The following DLGAP1 variants were observed in gnomAD, a reference collection of about 807,000 sequenced individuals.
DLGAP1 encodes disks large-associated protein 1.
Under a neutral mutation model 90.8 loss-of-function variants are expected in DLGAP1, and 11 were observed. That is an observed-to-expected ratio of 0.12 (90% CI 0.08 to 0.20). The LOEUF (loss-of-function observed/expected upper bound fraction) is 0.20, where lower values mean the gene tolerates loss of function less well. Among genes scored for constraint, DLGAP1 ranks in the 10% least tolerant of loss-of-function variants. The probability of loss-of-function intolerance (pLI) is 1.00; values close to 1 mark genes in which losing one functional copy is unlikely to be tolerated. For synonymous variants in DLGAP1, 558 were observed against 540.7 expected, an observed-to-expected ratio of 1.03 and a Z score of -0.44; for missense variants, 1,050 against 1,333.8, an observed-to-expected ratio of 0.79 and a Z score of 3.31.
intron 7 of DLGAP1, among the ~76,000 whole-genome samples, chr18:3,622,053 T>C (rs1388644630): frequency 6.6e-6 from 1 of 151,964 alleles, no homozygotes; most frequent in East Asian, 1.9e-4. Flanking sequence ...TGCGTATGGG[T>C]AGTGTATGTG....
At chr18:4,192,212 A>T (rs927492355) in intron 1 of DLGAP1, among the ~76,000 whole-genome samples, 3 of 152,158 alleles carry the variant, frequency 2.0e-5, no homozygotes, top group Non-Finnish European at 4.4e-5. Flanking sequence ...TCCTCAGAAA[A>T]GCATTTAAAT....
rs536738184 is a variant in DLGAP1, at chr18:3,762,453, G to A, written c.1173-19941C>T. Reference sequence around the variant, plus strand: ...GTTTCTTTCAATTTTGAGAGCAGATGTACTTACACAGATGTAAGCTGACAC... The same window carrying A: ...GTTTCTTTCAATTTTGAGAGCAGATATACTTACACAGATGTAAGCTGACAC... On this transcript the variant is annotated intron_variant, in intron 5 of 12. Transcript: ENST00000315677. Among the ~76,000 whole-genome samples the A allele has an allele frequency of 3.2e-4, 49 of 152,332 alleles. 2 individuals are homozygous for A. In the South Asian group the frequency reaches 9.7e-3, roughly 30 times the overall value.
chr18:4,370,682 G>A (rs1488302832), intron 1 of DLGAP1, among the ~76,000 whole-genome samples: 5 of 152,190 alleles, frequency 3.3e-5, no homozygotes, highest in South Asian at 4.2e-4. Context: ...AGGAAGAAGC[G>A]CCCCTAAGTA....
chr18:4,094,938 C>T (rs746116163), intron 2 of DLGAP1, among the ~76,000 whole-genome samples: 4 of 152,136 alleles, frequency 2.6e-5, no homozygotes, highest in Non-Finnish European at 5.9e-5. Context: ...TTTAGACTTA[C>T]CTTTCCTATC....
At chr18:4,224,223 C>T (rs567393862) in intron 1 of DLGAP1, among the ~76,000 whole-genome samples, 50 of 152,352 alleles carry the variant, frequency 3.3e-4, no homozygotes, top group South Asian at 2.5e-3. Context: ...ACCACACTCT[C>T]TGGGCATTGG....
chr18:3,734,970 C>A (rs1490456033), intron 6 of DLGAP1, among the ~76,000 whole-genome samples: 1 of 151,992 alleles, frequency 6.6e-6, no homozygotes, highest in African/African-American at 2.4e-5. Context: ...ATAATTCTGA[C>A]CACAATACTA....
intron 1 of DLGAP1, among the ~76,000 whole-genome samples, chr18:4,276,825 A>G (rs2079428035): frequency 6.6e-6 from 1 of 152,206 alleles, no homozygotes; most frequent in Non-Finnish European, 1.5e-5. Flanking sequence ...AGTTTAAATA[A>G]GAAATACAGA....
At chr18:4,115,441 C>T (rs1312088545) in intron 2 of DLGAP1, among the ~76,000 whole-genome samples, 1 of 151,354 alleles carries the variant, frequency 6.6e-6, no homozygotes, top group East Asian at 1.9e-4. Flanking sequence ...TCATTTCTTT[C>T]TGTGGATTTG....
chr18:4,412,404 T>C (rs1234898690), intron 1 of DLGAP1, among the ~76,000 whole-genome samples: 1 of 152,264 alleles, frequency 6.6e-6, no homozygotes, highest in Admixed American at 6.5e-5. Context: ...CATCAAGATA[T>C]AGTCAGCTTC....
chr18:4,128,822 A>T (rs914503108), intron 2 of DLGAP1, among the ~76,000 whole-genome samples: 3 of 152,154 alleles, frequency 2.0e-5, no homozygotes, highest in Non-Finnish European at 2.9e-5. Context: ...GACTTTCCAT[A>T]TGACATTTTG....
At chr18:4,453,680 T>G (rs569111653) in intron 1 of DLGAP1, among the ~76,000 whole-genome samples, 1 of 152,206 alleles carries the variant, frequency 6.6e-6, no homozygotes, top group African/African-American at 2.4e-5. Flanking sequence ...CCTCACCTTC[T>G]ACGAAGCCAT....
At chr18:4,361,530 C>T (rs550269948) in intron 1 of DLGAP1, among the ~76,000 whole-genome samples, 1 of 152,270 alleles carries the variant, frequency 6.6e-6, no homozygotes, top group African/African-American at 2.4e-5. Flanking sequence ...ACAAATGCTT[C>T]TGGGAAAAAT....
chr18:4,329,044 G>A (rs2080888954), intron 1 of DLGAP1, among the ~76,000 whole-genome samples: 1 of 151,850 alleles, frequency 6.6e-6, no homozygotes, highest in Non-Finnish European at 1.5e-5. Flanking sequence ...ACTTTAAAAT[G>A]TCCAATGTAC....
At chr18:3,583,875 G>A (rs515927) in intron 7 of DLGAP1, among the ~76,000 whole-genome samples, 19,801 of 152,186 alleles carry the variant, frequency 0.13, 1,360 homozygotes, top group East Asian at 0.23. Context: ...TTGAACCTGG[G>A]GGGAGGAGGT....
chr18:4,098,483 T>G (rs2075721382), intron 2 of DLGAP1, among the ~76,000 whole-genome samples: 1 of 151,952 alleles, frequency 6.6e-6, no homozygotes, highest in African/African-American at 2.4e-5. Context: ...GCTGCAGTGA[T>G]TAGGATTGGA....
intron 3 of DLGAP1, among the ~76,000 whole-genome samples, chr18:3,954,790 CATATG>C (rs2073053118): frequency 6.6e-6 from 1 of 152,322 alleles, no homozygotes; most frequent in Middle Eastern, 3.4e-3. Flanking sequence ...CCAGACAAAA[CATATG>C]ATATAACTGT....
intron 5 of DLGAP1, among the ~76,000 whole-genome samples, chr18:3,804,027 T>C (rs2066450036): frequency 2.0e-5 from 3 of 146,710 alleles, no homozygotes; most frequent in African/African-American, 7.5e-5. Context: ...ACAGTCTGGC[T>C]CTGTCGGCCA....
At chr18:4,296,315 C>T (rs116584979) in intron 1 of DLGAP1, among the ~76,000 whole-genome samples, 1 of 152,102 alleles carries the variant, frequency 6.6e-6, no homozygotes, top group African/African-American at 2.4e-5. Flanking sequence ...GGTGCACACA[C>T]ACAGAAACAC....
At chr18:3,521,083 C>T (rs1395600299) in intron 10 of DLGAP1, among the ~76,000 whole-genome samples, 2 of 152,168 alleles carry the variant, frequency 1.3e-5, no homozygotes, top group Non-Finnish European at 2.9e-5. Context: ...TCCACTTTCT[C>T]GAATTTGTGA....
Sources: allele counts gnomAD v4.1 joint callset (sites outside exome capture counted in the v4.1 genomes callset), GRCh38; gene constraint gnomAD v4.1.1; transcripts MANE v1.5; gene names NCBI Gene and HGNC (gene_info 2026-07-23, HGNC 2026-07-21).